The following PTPRD variants were observed in gnomAD, a reference collection of about 807,000 sequenced individuals.
PTPRD encodes receptor-type tyrosine-protein phosphatase delta.
A neutral mutation model predicts 214.5 loss-of-function variants in PTPRD; 34 were observed. The ratio of observed to expected loss-of-function variants is 0.16; its 90% CI spans 0.12 to 0.21. The LOEUF is 0.21. PTPRD is among the 10% of genes least tolerant of loss of function. The pLI, the probability that PTPRD is intolerant of heterozygous loss-of-function variation, is 1.00. For missense variants in PTPRD, 2,545 were observed against 2,398.7 expected, an observed-to-expected ratio of 1.06 and a Z score of -1.27; for synonymous variants, 1,128 against 845.7, an observed-to-expected ratio of 1.33 and a Z score of -5.79.
intron 2 of PTPRD, among the ~76,000 whole-genome samples, chr9:10,506,371 CA>C (rs1397408203): frequency 6.6e-6 from 1 of 151,988 alleles, no homozygotes; most frequent in Admixed American, 6.6e-5. Flanking sequence ...TACTATTAGC[CA>C]AAGTAGAGAA....
At chr9:10,491,584 A>G (rs767866878) in intron 2 of PTPRD, among the ~76,000 whole-genome samples, 14 of 152,188 alleles carry the variant, frequency 9.2e-5, no homozygotes, top group Admixed American at 4.6e-4. Context: ...AATGAGCAAA[A>G]ATATTTCCAC....
At chr9:8,788,246 TAAG>T (rs1555340167) in intron 11 of PTPRD, among the ~76,000 whole-genome samples, 2 of 144,282 alleles carry the variant, frequency 1.4e-5, no homozygotes, top group Non-Finnish European at 3.0e-5. Flanking sequence ...TTGGTTCATA[TAAG>T]ATGATTTTTT....
chr9:9,633,832 G>C (rs981256083), intron 7 of PTPRD, among the ~76,000 whole-genome samples: 1 of 151,956 alleles, frequency 6.6e-6, no homozygotes, highest in Non-Finnish European at 1.5e-5. Context: ...ATAATGTGTT[G>C]TCTTTTCCAG....
At chr9:10,568,070 C>T (rs898009909) in intron 2 of PTPRD, among the ~76,000 whole-genome samples, 2 of 151,300 alleles carry the variant, frequency 1.3e-5, no homozygotes, top group Admixed American at 1.3e-4. Flanking sequence ...CACCCATTAA[C>T]TCGTCATTTA....
chr9:9,444,903 T>C (rs1299704878), intron 8 of PTPRD, among the ~76,000 whole-genome samples: 2 of 152,198 alleles, frequency 1.3e-5, no homozygotes, highest in Non-Finnish European at 2.9e-5. Flanking sequence ...TTGACCCTAC[T>C]TTCTGACCTA....
intron 4 of PTPRD, among the ~76,000 whole-genome samples, chr9:10,032,224 T>C (rs535453727): frequency 1.3e-5 from 2 of 152,324 alleles, no homozygotes; most frequent in South Asian, 4.1e-4. Context: ...GGTTTCTTAC[T>C]ATAGCCATTT....
chr9:8,929,823 A>ATATATATGTG (rs1567062759), intron 11 of PTPRD, among the ~76,000 whole-genome samples: 404 of 33,936 alleles, frequency 0.012, 2 homozygotes, highest in East Asian at 0.045. Context: ...ATATATGTGT[A>ATATATATGTG]TATATATGTG....
intron 9 of PTPRD, among the ~76,000 whole-genome samples, chr9:9,251,467 C>A (rs1368306390): frequency 1.3e-5 from 2 of 151,870 alleles, no homozygotes; most frequent in African/African-American, 4.8e-5. Flanking sequence ...AATTCCTTCT[C>A]TTCCTTCTTT....
intron 7 of PTPRD, among the ~76,000 whole-genome samples, chr9:9,678,462 A>G (rs141358944): frequency 5.6e-4 from 85 of 152,230 alleles, no homozygotes; most frequent in African/African-American, 2.0e-3. Context: ...AAAACAAGAA[A>G]TGGGGAAACG....
At chr9:8,591,324 C>A (rs2094089765) in intron 14 of PTPRD, among the ~76,000 whole-genome samples, 1 of 152,090 alleles carries the variant, frequency 6.6e-6, no homozygotes, top group South Asian at 2.1e-4. Context: ...TTTGGTCTAC[C>A]CACAACCAAG....
chr9:9,770,780 A>G (rs529006505), intron 5 of PTPRD, among the ~76,000 whole-genome samples: 1 of 152,306 alleles, frequency 6.6e-6, no homozygotes, highest in South Asian at 2.1e-4. Flanking sequence ...AAAACAGTTC[A>G]TTAATTACAG....
intron 34 of PTPRD, among the ~76,000 whole-genome samples, chr9:8,437,640 C>G (rs184805286): frequency 6.6e-6 from 1 of 152,064 alleles, no homozygotes; most frequent in Non-Finnish European, 1.5e-5. Flanking sequence ...GCCCCAGGTC[C>G]CCATTATTCA....
chr9:10,196,527 A>G lies in PTPRD; in HGVS notation c.-545+144436T>C, dbSNP rs117108311. 1.8e-4 allele frequency among the ~76,000 whole-genome samples: 28 copies of G among 152,292 alleles called. No homozygotes were observed. In the East Asian group the frequency reaches 3.3e-3, roughly 18 times the overall value. ...CTGGGTACTCTTTTAATGCCTTATCATTTCCTATAAGAAAAGACAGCAAAT... is the reference window on the plus strand; with the variant it reads ...CTGGGTACTCTTTTAATGCCTTATCGTTTCCTATAAGAAAAGACAGCAAAT... On this transcript the variant is annotated intron_variant, in intron 3 of 45. Transcript: ENST00000381196.
intron 11 of PTPRD, among the ~76,000 whole-genome samples, chr9:8,982,074 G>C (rs565355993): frequency 6.6e-6 from 1 of 151,980 alleles, no homozygotes; most frequent in East Asian, 1.9e-4. Flanking sequence ...GTCAAGAAGT[G>C]AATGGCAGTG....
At chr9:8,480,483 T>C (rs1374400167) in intron 30 of PTPRD, among the ~76,000 whole-genome samples, 1 of 152,162 alleles carries the variant, frequency 6.6e-6, no homozygotes, top group South Asian at 2.1e-4. Flanking sequence ...CAATTAACTA[T>C]GCTGTATGAG....
chr9:10,595,047 A>G (rs1474035662), intron 2 of PTPRD, among the ~76,000 whole-genome samples: 1 of 151,874 alleles, frequency 6.6e-6, no homozygotes, highest in Non-Finnish European at 1.5e-5. Flanking sequence ...CGATAATTAG[A>G]CCATATGTTA....
At position 10,596,273 on chromosome 9, in the gene PTPRD, T is replaced by A. The variant is rs547609998; in HGVS notation, c.-600+16125A>T. Among the ~76,000 whole-genome samples, 7 of 151,758 alleles carry A rather than the reference T, an allele frequency of 4.6e-5. No individual in the cohort carries two copies. The South Asian group carries it at 6.2e-4, about 13-fold the overall frequency. On this transcript the variant is annotated intron_variant, in intron 2 of 45. Transcript: ENST00000381196. ...TTCTTTAATAAGACAGAACTTACAT[T>A]GAACACACAAAAAGTAAAAGTTGTT...
At chr9:9,526,655 G>A (rs906556232) in intron 8 of PTPRD, among the ~76,000 whole-genome samples, 25 of 152,072 alleles carry the variant, frequency 1.6e-4, no homozygotes, top group Non-Finnish European at 2.8e-4. Context: ...ATCTGATGAT[G>A]GGATCCTTAT....
chr9:9,914,603 G>C (rs1353069827), intron 5 of PTPRD, among the ~76,000 whole-genome samples: 7 of 152,172 alleles, frequency 4.6e-5, no homozygotes, highest in Non-Finnish European at 1.5e-5. Context: ...TGCGTTCCGA[G>C]TACGTGTTTA....
Sources: allele counts gnomAD v4.1 joint callset (sites outside exome capture counted in the v4.1 genomes callset), GRCh38; gene constraint gnomAD v4.1.1; transcripts MANE v1.5; gene names NCBI Gene and HGNC (gene_info 2026-07-23, HGNC 2026-07-21).